The following DSE variants were observed in gnomAD, a reference collection of about 807,000 sequenced individuals.
DSE encodes dermatan sulfate epimerase, also known as dermatan-sulfate epimerase.
Under a neutral mutation model 84.4 loss-of-function variants are expected in DSE, and 36 were observed. The observed-to-expected ratio is 0.43, with a 90% CI of 0.33 to 0.56. The LOEUF is 0.56. DSE is among the 20% of genes least tolerant of loss of function. The pLI is 0.06. For missense variants in DSE, 862 were observed against 1,169.6 expected, an observed-to-expected ratio of 0.74 and a Z score of 3.84; for synonymous variants, 410 against 430.1, an observed-to-expected ratio of 0.95 and a Z score of 0.58.
chr6:116,305,574 T>A (rs1034757525), intron 2 of DSE, among the ~76,000 whole-genome samples: 1 of 152,154 alleles, frequency 6.6e-6, no homozygotes, highest in Non-Finnish European at 1.5e-5. Context: ...ATAGATAAAA[T>A]TATTACATCA....
chr6:116,323,202 T>C (rs1776429491), intron 2 of DSE, among the ~76,000 whole-genome samples: 1 of 152,234 alleles, frequency 6.6e-6, no homozygotes, highest in South Asian at 2.1e-4. Context: ...GTAAGCCAGC[T>C]TTTAAACAGA....
At chr6:116,347,468 G>A (rs1778050542) in intron 2 of DSE, among the ~76,000 whole-genome samples, 1 of 152,102 alleles carries the variant, frequency 6.6e-6, no homozygotes, top group Non-Finnish European at 1.5e-5. Context: ...GAACAGAACA[G>A]AGCCCTCAGA....
chr6:116,422,842 G>A (rs118175814), intron 2 of DSE, among the ~76,000 whole-genome samples: 8,199 of 152,094 alleles, frequency 0.054, 337 homozygotes, highest in Admixed American at 0.13. Flanking sequence ...ACATCTTTAC[G>A]TTATTATGAA....
chr6:116,383,189 C>A (rs1163659417), intron 1 of DSE, among the ~76,000 whole-genome samples: 6 of 152,172 alleles, frequency 3.9e-5, no homozygotes, highest in Non-Finnish European at 8.8e-5. Flanking sequence ...GACAGGTGAT[C>A]ATCTAGTTTC....
intron 1 of DSE, among the ~76,000 whole-genome samples, chr6:116,394,574 T>TACAGGC (rs1186961476): frequency 6.6e-6 from 1 of 152,180 alleles, no homozygotes; most frequent in Non-Finnish European, 1.5e-5. Flanking sequence ...TAGCTGGAAC[T>TACAGGC]ACAGGCACAT....
intron 2 of DSE, among the ~76,000 whole-genome samples, chr6:116,402,056 C>T (rs866048923): frequency 6.6e-6 from 1 of 152,044 alleles, no homozygotes; most frequent in Non-Finnish European, 1.5e-5. Context: ...GATCAACAAA[C>T]GTTTATTGAG....
Position 116,336,481 on chromosome 6 carries a change from C to T in DSE, c.-53-62717C>T, listed in dbSNP as rs1339166918. Reference sequence around the variant, plus strand: ...GTTTTAAAGAAAAAAGTAGGCCGGGCGCAGTGGCTCACGCCTGTAATCCCA... The same window carrying T: ...GTTTTAAAGAAAAAAGTAGGCCGGGTGCAGTGGCTCACGCCTGTAATCCCA... On this transcript the variant is annotated intron_variant, in intron 2 of 3. Transcript: ENST00000430252. Among the ~76,000 whole-genome samples the T allele has an allele frequency of 7.2e-5, 11 of 152,254 alleles. No individual in the cohort carries two copies. The South Asian group carries it at 1.9e-3, about 26-fold the overall frequency.
chr6:116,400,539 A>G (rs1042523434), intron 2 of DSE: 1 of 152,210 alleles, frequency 6.6e-6, no homozygotes, highest in Non-Finnish European at 1.5e-5. Flanking sequence ...ATGATGAATT[A>G]CATCTTAACA....
chr6:116,330,537 C>A (rs985739078), intron 2 of DSE, among the ~76,000 whole-genome samples: 7 of 152,194 alleles, frequency 4.6e-5, no homozygotes, highest in Non-Finnish European at 1.0e-4. Context: ...ATACAACTCT[C>A]AACTACCACC....
At chr6:116,402,504 T>C (rs532559003) in intron 2 of DSE, among the ~76,000 whole-genome samples, 1 of 152,300 alleles carries the variant, frequency 6.6e-6, no homozygotes, top group East Asian at 1.9e-4. Context: ...CAATGTAAAG[T>C]ACTTAGCACA....
At position 116,439,072 on chromosome 6, in the gene DSE, T is replaced by C. The variant is rs1208782913; in HGVS notation, c.*1727T>C. The C allele has an allele frequency of 6.6e-6, 1 of 152,228 alleles. No individual in the cohort carries two copies. The allele number at this position is 152,228 out of a possible 1,614,324, so 9.4% of individuals were successfully genotyped here. ...CTCTTACTAGGATTTAAACTTGCTT[T>C]ATGTGACAGATTCTCCATTTACTTA... On this transcript the variant is annotated 3_prime_UTR_variant, in exon 6 of 6. Coordinates refer to ENST00000644252, the MANE Select transcript of DSE (RefSeq NM_013352.4).
intron 2 of DSE, 53 bp downstream of exon 2, chr6:116,399,719 CA>C: frequency 6.5e-7 from 1 of 1,534,502 alleles, no homozygotes; most frequent in Non-Finnish European, 8.9e-7. Context: ...TAGAAAGAAA[CA>C]AATCCATATG....
chr6:116,295,060 G>A (rs927299088), intron 2 of DSE, among the ~76,000 whole-genome samples: 1 of 152,144 alleles, frequency 6.6e-6, no homozygotes, highest in Admixed American at 6.6e-5. Context: ...TCATACTGCA[G>A]TGTGAAAACA....
intron 2 of DSE, among the ~76,000 whole-genome samples, chr6:116,414,086 G>A (rs1333228605): frequency 2.0e-5 from 3 of 152,110 alleles, no homozygotes; most frequent in East Asian, 1.9e-4. Flanking sequence ...TTTTAGTGTC[G>A]GTGTATTTGT....
At position 116,399,539 on chromosome 6, in the gene DSE, C is replaced by T. The variant is rs1327970888; in HGVS notation, c.289C>T (p.Arg97Cys). The T allele has an allele frequency of 3.1e-6, 5 of 1,614,164 alleles. No individual in the cohort carries two copies. The highest frequency in any genetic ancestry group is 1.7e-5 in the Admixed American group (1 of 60,026). Residue 97 changes from arginine (R) to cysteine (C), a missense_variant, in exon 2 of 6, where the codon CGC becomes TGC. By Grantham distance (180) the Arg-to-Cys change is radical. This residue lies in a region of DSE where 309 missense variants were observed against 516.9 expected (regional missense o/e 0.60). Coordinates refer to ENST00000644252, the MANE Select transcript of DSE (RefSeq NM_013352.4). Reference protein sequence around the residue: ...PPWDPKDYSARWNEIFGNNLG... With the variant: ...PPWDPKDYSACWNEIFGNNLG... ...CTGGGATCCCAAGGACTACAGTGCC[C>T]GCTGGAATGAAATTTTTGGAAACAA...
chr6:116,401,209 A>G (rs974163728), intron 2 of DSE: 2 of 152,156 alleles, frequency 1.3e-5, no homozygotes, highest in Admixed American at 1.3e-4. Flanking sequence ...ATAAATACCA[A>G]TGAATGAATG....
At chr6:116,423,228 GA>G (rs1783205470) in intron 2 of DSE, 1 of 152,082 alleles carries the variant, frequency 6.6e-6, no homozygotes, top group Non-Finnish European at 1.5e-5. Flanking sequence ...AGTTCAAAAA[GA>G]AAAAGCTAAT....
At chr6:116,357,529 C>T (rs553206983) in intron 2 of DSE, among the ~76,000 whole-genome samples, 1 of 147,250 alleles carries the variant, frequency 6.8e-6, no homozygotes, top group African/African-American at 2.5e-5. Context: ...GAGACTCCAT[C>T]TCAAAAAAAA....
At chr6:116,306,185 A>C (rs1158195864) in intron 2 of DSE, among the ~76,000 whole-genome samples, 1 of 152,174 alleles carries the variant, frequency 6.6e-6, no homozygotes, top group African/African-American at 2.4e-5. Flanking sequence ...TAAAAACTAC[A>C]AAGAAGTTCT....
Sources: gnomAD v4.1 joint callset for allele counts (sites outside exome capture counted in the v4.1 genomes callset) on GRCh38, gnomAD v4.1.1 for gene constraint, gnomAD v4.1.1 regional missense constraint, MANE v1.5 for transcripts, NCBI Gene and HGNC (gene_info 2026-07-23, HGNC 2026-07-21) for gene names.